The following ZNF618 variants were observed in gnomAD, a reference collection of about 807,000 sequenced individuals.
ZNF618 encodes zinc finger protein 618.
A neutral mutation model predicts 103.0 loss-of-function variants in ZNF618; 34 were observed. The observed-to-expected ratio is 0.33, with a 90% CI of 0.25 to 0.44. The LOEUF (loss-of-function observed/expected upper bound fraction) is 0.44. Among genes scored for constraint, ZNF618 ranks in the 20% least tolerant of loss-of-function variants. The pLI, the probability that ZNF618 is intolerant of heterozygous loss-of-function variation, is 1.00. For missense variants in ZNF618, 1,059 were observed against 1,295.4 expected, an observed-to-expected ratio of 0.82 and a Z score of 2.80; for synonymous variants, 551 against 542.2, an observed-to-expected ratio of 1.02 and a Z score of -0.23.
chr9:113,985,158 A>G (rs71503583), intron 2 of ZNF618, among the ~76,000 whole-genome samples: 1,668 of 152,244 alleles, frequency 0.011, 18 homozygotes, highest in Non-Finnish European at 0.016. Context: ...GTTTGTCCCC[A>G]TTGTTTGGAT....
intron 2 of ZNF618, among the ~76,000 whole-genome samples, chr9:113,974,118 T>C (rs191358721): frequency 4.0e-4 from 61 of 152,306 alleles, no homozygotes; most frequent in Middle Eastern, 3.4e-3. Context: ...AGAGCAGCTG[T>C]AATAAATACA....
intron 10 of ZNF618, among the ~76,000 whole-genome samples, chr9:114,017,566 A>G (rs980194940): frequency 6.6e-6 from 1 of 152,232 alleles, no homozygotes; most frequent in Non-Finnish European, 1.5e-5. Flanking sequence ...GTGCAGGTGC[A>G]GAAACCAAAG....
chr9:113,898,930 C>T (rs1014952908), intron 1 of ZNF618, among the ~76,000 whole-genome samples: 2 of 152,122 alleles, frequency 1.3e-5, no homozygotes, highest in African/African-American at 2.4e-5. Flanking sequence ...CTGGAAGTAG[C>T]TTAGCTTCTC....
At chr9:114,001,883 A>ATC in intron 4 of ZNF618, 113 bp from the exon 5 acceptor site, 1 of 907,746 alleles carries the variant, frequency 1.1e-6, no homozygotes, top group Non-Finnish European at 1.8e-6. Context: ...GCCAGGGACC[A>ATC]TCTCTGCCCC....
rs1846453734 is a variant in ZNF618, at chr9:114,055,876, CA to C, written c.*5711del. Reference sequence around the variant, plus strand: ...GTAGCATTAATTTATACTTTTGTAGCAACACAATATTTTTATAAACAGCCGG... The same window carrying C: ...GTAGCATTAATTTATACTTTTGTAGCACACAATATTTTTATAAACAGCCGG... On this transcript the variant is annotated 3_prime_UTR_variant, in exon 15 of 15. Coordinates refer to ENST00000374126, the MANE Select transcript of ZNF618 (RefSeq NM_001318042.2). 6.6e-6 allele frequency: 1 copy of C among 151,944 alleles called. No homozygotes were observed. The highest frequency in any genetic ancestry group is 1.5e-5 in the Non-Finnish European group (1 of 67,924). The allele number at this position is 151,944 out of a possible 1,614,324, so 9.4% of individuals were successfully genotyped here. A position where few individuals can be genotyped will look rare whatever the true frequency, so the allele number is the denominator to read the frequency against.
chr9:114,049,862 C>G lies in ZNF618; in HGVS notation c.2560C>G (p.Arg854Gly). ...CTTCGAGCCCGCTGCCAAGAAGCCC[C>G]GCTCTGCTGCCGTCGAGAACCCCGC... Reference protein sequence around the residue: ...ADFEPAAKKPRSAAVENPAAQ... With the variant: ...ADFEPAAKKPGSAAVENPAAQ... Residue 854 changes from arginine to glycine, a missense_variant, in exon 15 of 15, where the codon CGC (arginine) becomes GGC (glycine). Coordinates refer to ENST00000374126, the MANE Select transcript of ZNF618 (RefSeq NM_001318042.2). 3 of 1,613,922 alleles carry G rather than the reference C, an allele frequency of 1.9e-6. No individual in the cohort carries two copies. The East Asian group carries it at 6.7e-5, about 36-fold the overall frequency.
At chr9:114,026,487 A>T (rs1274622608) in intron 10 of ZNF618, among the ~76,000 whole-genome samples, 3 of 152,198 alleles carry the variant, frequency 2.0e-5, no homozygotes, top group Non-Finnish European at 4.4e-5. Context: ...TTCTGCAAGG[A>T]TGGAGCCTGA....
At position 113,885,528 on chromosome 9, in the gene ZNF618, G is replaced by T. The variant is rs1464422553; in HGVS notation, c.33+9115G>T. On this transcript the variant is annotated intron_variant, in intron 1 of 14. Transcript: ENST00000374126. ...TTATTTTATCTTTTTGCCAGCCCAG[G>T]GTTCAGAAAGTTTGGAGTTTGTGAG... is the stretch of plus-strand genomic sequence containing the variant. Among the ~76,000 whole-genome samples, 3 of 152,120 alleles carry T rather than the reference G, an allele frequency of 2.0e-5. 1 individual carries two copies.
chr9:114,036,983 T>C (rs991990126), intron 13 of ZNF618, among the ~76,000 whole-genome samples: 1 of 152,202 alleles, frequency 6.6e-6, no homozygotes, highest in Non-Finnish European at 1.5e-5. Flanking sequence ...CTGGTAAGTC[T>C]TAAGACAGTG....
At chr9:113,981,228 C>T (rs1022816563) in intron 2 of ZNF618, among the ~76,000 whole-genome samples, 3 of 152,094 alleles carry the variant, frequency 2.0e-5, no homozygotes, top group Non-Finnish European at 4.4e-5. Flanking sequence ...CTTTTTTCTC[C>T]ACCCTTAACA....
At chr9:113,896,280 A>G (rs752249602) in intron 1 of ZNF618, among the ~76,000 whole-genome samples, 2 of 152,046 alleles carry the variant, frequency 1.3e-5, no homozygotes, top group Admixed American at 1.3e-4. Context: ...CTGTTTAGTA[A>G]TAAAAGTGCT....
intron 1 of ZNF618, among the ~76,000 whole-genome samples, chr9:113,891,295 TCAA>T (rs1381351151): frequency 6.6e-6 from 1 of 152,022 alleles, no homozygotes; most frequent in Non-Finnish European, 1.5e-5. Context: ...ATCCTATAAA[TCAA>T]CAACAACAAA....
chr9:113,898,018 C>T (rs546222494), intron 1 of ZNF618, among the ~76,000 whole-genome samples: 4 of 152,274 alleles, frequency 2.6e-5, no homozygotes, highest in African/African-American at 9.6e-5. Context: ...GTCTTGAACT[C>T]CTGACCTCAG....
chr9:113,888,580 C>T (rs1264061111), intron 1 of ZNF618, among the ~76,000 whole-genome samples: 1 of 152,248 alleles, frequency 6.6e-6, no homozygotes, highest in Non-Finnish European at 1.5e-5. Flanking sequence ...CTGGCATGTC[C>T]CAGTCAGGGC....
Position 114,028,955 on chromosome 9 carries a change from C to G in ZNF618, c.1067C>G (p.Ala356Gly). Residue 356 changes from alanine to glycine, a missense_variant, in exon 11 of 15, where the codon GCG (alanine) becomes GGG (glycine). By Grantham distance (60) the Ala-to-Gly change is moderately conservative. Around this residue, in one of 6 missense-constraint regions of ZNF618, gnomAD observed 434 missense variants for 476.0 expected, o/e 0.91. Transcript: ENST00000374126. Reference sequence around the variant, plus strand: ...CGCACTCCAAATTCGGGATCTCCGGCGAGCAAGGCAACCGCAGGTACCAAT... The same window carrying G: ...CGCACTCCAAATTCGGGATCTCCGGGGAGCAAGGCAACCGCAGGTACCAAT... The part of the protein sequence containing the change: ...TFRTPNSGSP[A>G]SKATAAESAF... 1 of 1,550,542 alleles carries G rather than the reference C, an allele frequency of 6.4e-7. No homozygotes were observed. The highest frequency in any genetic ancestry group is 8.7e-7 in the Non-Finnish European group (1 of 1,146,968).
At chr9:113,955,301 C>T (rs1836172886) in intron 1 of ZNF618, among the ~76,000 whole-genome samples, 1 of 151,068 alleles carries the variant, frequency 6.6e-6, no homozygotes, top group African/African-American at 2.5e-5. Context: ...CAGATTTCCA[C>T]ACCCCACCCC....
chr9:114,020,770 A>G (rs931987959), intron 10 of ZNF618, among the ~76,000 whole-genome samples: 1 of 151,816 alleles, frequency 6.6e-6, no homozygotes, highest in Admixed American at 6.6e-5. Context: ...CTTTCCTTCC[A>G]ATCTGTATTC....
At chr9:113,905,924 C>T (rs1174153746) in intron 1 of ZNF618, among the ~76,000 whole-genome samples, 2 of 152,158 alleles carry the variant, frequency 1.3e-5, no homozygotes, top group African/African-American at 4.8e-5. Context: ...ATGGGACAAT[C>T]GTAGGACCCA....
intron 9 of ZNF618, among the ~76,000 whole-genome samples, chr9:114,015,152 A>G (rs1842554662): frequency 1.3e-5 from 2 of 152,230 alleles, no homozygotes; most frequent in African/African-American, 4.8e-5. Flanking sequence ...TGAATCAGTT[A>G]CAAAAATTAT....
Sources: gnomAD v4.1 joint callset for allele counts (sites outside exome capture counted in the v4.1 genomes callset) on GRCh38, gnomAD v4.1.1 for gene constraint, gnomAD v4.1.1 regional missense constraint, MANE v1.5 for transcripts, NCBI Gene and HGNC (gene_info 2026-07-23, HGNC 2026-07-21) for gene names.